CHFR: variants seen among roughly 807,000 people sequenced by gnomAD.
CHFR encodes checkpoint with forkhead and ring finger domains.
A neutral mutation model predicts 87.6 loss-of-function variants in CHFR; 57 were observed. The observed-to-expected ratio is 0.65, with a 90% CI of 0.53 to 0.81. CHFR has a LOEUF of 0.81. Among genes scored for constraint, CHFR ranks in the 30% least tolerant of loss-of-function variants. The probability of loss-of-function intolerance (pLI) is 0.00; values close to 1 mark genes in which losing one functional copy is unlikely to be tolerated. For synonymous variants in CHFR, 381 were observed against 359.2 expected, an observed-to-expected ratio of 1.06 and a Z score of -0.69; for missense variants, 797 against 865.8, an observed-to-expected ratio of 0.92 and a Z score of 1.00.
chr12:132,851,419 T>C (rs141021277), intron 12 of CHFR, among the ~76,000 whole-genome samples, 199 bp downstream of exon 12: 36 of 152,220 alleles, frequency 2.4e-4, no homozygotes, highest in African/African-American at 7.5e-4. Context: ...AGATGTAGCC[T>C]GTGAAGGGGC....
chr12:132,864,165 T>G (rs1951278757), intron 6 of CHFR, among the ~76,000 whole-genome samples: 1 of 146,646 alleles, frequency 6.8e-6, no homozygotes, highest in Admixed American at 6.9e-5. Context: ...CAAATGTAAG[T>G]GTTATTATTT....
chr12:132,856,870 G>A (rs1037036101), intron 9 of CHFR, among the ~76,000 whole-genome samples: 9 of 145,936 alleles, frequency 6.2e-5, no homozygotes, highest in African/African-American at 2.0e-4. Flanking sequence ...GTGCTGGTGT[G>A]TGGATGCCCT....
chr12:132,864,894 T>C (rs932983707), intron 6 of CHFR, among the ~76,000 whole-genome samples: 2 of 152,254 alleles, frequency 1.3e-5, no homozygotes, highest in Non-Finnish European at 2.9e-5. Flanking sequence ...GACTACACAC[T>C]GTGCTATGCA....
intron 6 of CHFR, chr12:132,866,557 AT>A (rs1951343621): frequency 6.6e-6 from 1 of 152,024 alleles, no homozygotes; most frequent in Non-Finnish European, 1.5e-5. Flanking sequence ...ACACACCGCG[AT>A]TGTTACAACA....
chr12:132,879,224 T>C (rs1431082562), intron 2 of CHFR, among the ~76,000 whole-genome samples: 1 of 152,000 alleles, frequency 6.6e-6, no homozygotes, highest in Non-Finnish European at 1.5e-5. Flanking sequence ...CTTGAACTCC[T>C]GACCTCTTGA....
At chr12:132,848,318 G>T in intron 13 of CHFR, 163 bp from the exon 14 acceptor site, 1 of 1,316,564 alleles carries the variant, frequency 7.6e-7, no homozygotes, top group Non-Finnish European at 1.1e-6. Flanking sequence ...AAGCAGAAAT[G>T]ATTTCCATTC....
intron 14 of CHFR, chr12:132,847,827 C>CG (rs527662045): frequency 1.5e-4 from 205 of 1,327,276 alleles, no homozygotes; most frequent in Non-Finnish European, 1.8e-4. Flanking sequence ...ACAAGAGCTG[C>CG]GGGAAGCGGC....
intron 2 of CHFR, 27 bp downstream of exon 2, chr12:132,887,168 GC>G (rs1593550630): frequency 2.1e-5 from 30 of 1,454,004 alleles, no homozygotes; most frequent in Middle Eastern, 2.3e-4. Flanking sequence ...CCCGGCCCCG[GC>G]CCCCGGCCCC....
In CHFR at chr12:132,856,593, A is replaced by C. The variant is rs778828908; in HGVS notation, c.1104T>G (p.Asp368Glu). Residue 368 changes from aspartate (D) to glutamate (E), a missense_variant, in exon 10 of 18, where the codon GAT becomes GAG. This residue lies in a region of CHFR where 597 missense variants were observed against 601.2 expected (regional missense o/e 0.99). Coordinates refer to ENST00000450056, the MANE Select transcript of CHFR (RefSeq NM_001161346.2). ...TGTCTTGAGTGATTTTATTTCTGGC[A>C]TCCATACTTTGCACATCTTCTTCAC... ...SRSEEDVQSM[D>E]ARNKITQDML... 2.5e-6 allele frequency: 4 copies of C among 1,614,086 alleles called. No individual in the cohort carries two copies. The African/African-American group carries it at 4.0e-5, about 16-fold the overall frequency.
Position 132,868,425 on chromosome 12 carries a change from G to A in CHFR, c.583+1194C>T, listed in dbSNP as rs187637749. Among the ~76,000 whole-genome samples, 457 of 147,640 alleles carry A rather than the reference G, an allele frequency of 3.1e-3. 3 individuals carry two copies. The highest frequency in any genetic ancestry group is 0.011 in the African/African-American group (438 of 40,402). ...AATGGCGTGGACCCAGGAGAATGGC[G>A]TGGGAGGCGGAGCTTGCAGTGAGCC... On this transcript the variant is annotated intron_variant, in intron 6 of 17. Coordinates refer to ENST00000450056, the MANE Select transcript of CHFR (RefSeq NM_001161346.2).
chr12:132,853,940 C>G (rs1342226279), intron 10 of CHFR: 1 of 219,846 alleles, frequency 4.5e-6, no homozygotes, highest in Non-Finnish European at 8.9e-6. Context: ...CCGTTAAAAG[C>G]AGAGCGCGGT....
At chr12:132,879,193 A>G (rs1566204767) in intron 2 of CHFR, among the ~76,000 whole-genome samples, 1 of 150,920 alleles carries the variant, frequency 6.6e-6, no homozygotes, top group Non-Finnish European at 1.5e-5. Flanking sequence ...TTTAGTAGAG[A>G]CGGGGTTTCA....
In CHFR at chr12:132,877,661, AAG is replaced by A. The variant is rs776704688; in HGVS notation, c.134-9_134-8del. 127 of 1,597,970 alleles carry A rather than the reference AAG, an allele frequency of 7.9e-5. No homozygotes were observed. Among genetic ancestry groups the A allele is most frequent in the Non-Finnish European group, 2.9e-5 (34 of 1,166,714 alleles). ...GGGAAGGAAAGGTCGCAACCTAAAA[AAG>A]AGAGGGTGGGTCAACACGGGATATG... On this transcript the variant is annotated splice_polypyrimidine_tract_variant and splice_region_variant and intron_variant, in intron 2 of 17. Coordinates refer to ENST00000450056, the MANE Select transcript of CHFR (RefSeq NM_001161346.2).
intron 6 of CHFR, among the ~76,000 whole-genome samples, chr12:132,864,848 AAC>A (rs772616630): frequency 4.1e-4 from 62 of 152,190 alleles, no homozygotes; most frequent in Non-Finnish European, 2.9e-5. Context: ...TTTTAAGTAG[AAC>A]ATTATCAAAA....
At chr12:132,858,113 T>C (rs1158043092) in intron 8 of CHFR, among the ~76,000 whole-genome samples, 1 of 152,116 alleles carries the variant, frequency 6.6e-6, no homozygotes, top group Non-Finnish European at 1.5e-5. Flanking sequence ...TCCCAACACT[T>C]TGGGAGGCCA....
chr12:132,877,022 T>C (rs1286597535), intron 3 of CHFR, among the ~76,000 whole-genome samples: 2 of 152,178 alleles, frequency 1.3e-5, no homozygotes, highest in African/African-American at 4.8e-5. Flanking sequence ...CTTGAGCTCC[T>C]GACCTCAGGT....
rs1950684763 is a variant in CHFR at position 132,840,160 on chromosome 12, G to A, written c.*1394C>T. On this transcript the variant is annotated 3_prime_UTR_variant, in exon 18 of 18. Coordinates refer to ENST00000450056, the MANE Select transcript of CHFR (RefSeq NM_001161346.2). ...TGAAGACAAAGCCTCCACACTGGAT[G>A]AACAGGTTGTGGCTTCCCAGCATTG... The A allele has an allele frequency of 6.5e-6, 1 of 152,704 alleles. No individual in the cohort carries two copies. Among genetic ancestry groups the A allele is most frequent in the Non-Finnish European group, 1.5e-5 (1 of 68,306 alleles). 9.5% of individuals were successfully genotyped at this position (152,704 alleles called of 1,614,324 possible).
rs754747845 is a variant in CHFR, at chr12:132,857,386, T to C, written c.1066+19A>G. ...CCGCCCTCACGTGCCCGGGTGCTGG[T>C]GTGGATGCCCTCACTTGCCTGGATG... On this transcript the variant is annotated intron_variant, in intron 9 of 17. Transcript: ENST00000450056. The C allele has an allele frequency of 2.5e-6, 4 of 1,612,078 alleles. No homozygotes were observed. In the African/African-American group the frequency reaches 5.4e-5, roughly 22 times the overall value.
chr12:132,875,385 C>G (rs570785198), intron 3 of CHFR, among the ~76,000 whole-genome samples: 1 of 152,248 alleles, frequency 6.6e-6, no homozygotes, highest in South Asian at 2.1e-4. Flanking sequence ...CTCACACTTG[C>G]AATCCCAGCA....
Sources: allele counts gnomAD v4.1 joint callset (sites outside exome capture counted in the v4.1 genomes callset), GRCh38; gene constraint gnomAD v4.1.1; regional missense constraint gnomAD v4.1.1; transcripts MANE v1.5; gene names NCBI Gene and HGNC (gene_info 2026-07-23, HGNC 2026-07-21).